Variants in OPCML observed in about 807,000 individuals in gnomAD.
OPCML encodes opioid binding protein/cell adhesion molecule like.
OPCML carries 13 observed loss-of-function variants against 37.8 expected under a neutral mutation model. The ratio of observed to expected loss-of-function variants is 0.34; its 90% confidence interval spans 0.22 to 0.55. The LOEUF is 0.55. Ranked by LOEUF, OPCML falls within the 20% of genes least tolerant of loss-of-function variation. The pLI, the probability that OPCML is intolerant of heterozygous loss-of-function variation, is 0.91. For missense variants in OPCML, 341 were observed against 435.6 expected (o/e 0.78, Z 1.93); for synonymous variants, 176 against 168.8 (o/e 1.04, Z -0.33).
chr11:133,186,614 C>T (rs1450488062), intron 1 of OPCML, among the ~76,000 whole-genome samples: 1 of 152,158 alleles, frequency 6.6e-6, no homozygotes, highest in Non-Finnish European at 1.5e-5. Context: ...GGGTTCCTTC[C>T]ATTTTTGTGG....
At chr11:132,576,271 A>G (rs1591574268) in intron 3 of OPCML, among the ~76,000 whole-genome samples, 1 of 149,614 alleles carries the variant, frequency 6.7e-6, no homozygotes, top group South Asian at 2.1e-4. Flanking sequence ...CTTCTTCTTT[A>G]ACACCCATAA....
chr11:132,790,235 G>C (rs1489405343), intron 2 of OPCML, among the ~76,000 whole-genome samples: 4 of 152,202 alleles, frequency 2.6e-5, no homozygotes, highest in African/African-American at 9.7e-5. Flanking sequence ...GTTATAGAGA[G>C]AGGCTGATTA....
chr11:132,695,790 A>T (rs1943578601), intron 2 of OPCML, among the ~76,000 whole-genome samples: 1 of 152,222 alleles, frequency 6.6e-6, no homozygotes, highest in African/African-American at 2.4e-5. Flanking sequence ...GTGAGGGAGG[A>T]TCAGCAGACA....
chr11:132,542,113 A>G (rs942990118), intron 3 of OPCML, among the ~76,000 whole-genome samples: 4 of 152,282 alleles, frequency 2.6e-5, no homozygotes, highest in African/African-American at 9.6e-5. Flanking sequence ...TTCCTGGCCC[A>G]GATCAACCAG....
intron 1 of OPCML, among the ~76,000 whole-genome samples, chr11:133,493,936 G>A (rs912797446): frequency 3.3e-5 from 5 of 151,856 alleles, no homozygotes; most frequent in African/African-American, 1.2e-4. Flanking sequence ...CCCACAAAAT[G>A]GGAGAAAATT....
chr11:132,558,640 G>A (rs2096403638), intron 3 of OPCML, among the ~76,000 whole-genome samples: 1 of 150,004 alleles, frequency 6.7e-6, no homozygotes, highest in Non-Finnish European at 1.5e-5. Flanking sequence ...TTTGAGTTTT[G>A]TATTCTCATA....
At chr11:132,740,152 C>G (rs1037675573) in intron 2 of OPCML, among the ~76,000 whole-genome samples, 1 of 152,156 alleles carries the variant, frequency 6.6e-6, no homozygotes, top group Non-Finnish European at 1.5e-5. Context: ...GGAAAAGATG[C>G]TAAGAGTAGA....
At chr11:132,770,408 C>T (rs144086456) in intron 2 of OPCML, among the ~76,000 whole-genome samples, 82 of 151,968 alleles carry the variant, frequency 5.4e-4, no homozygotes, top group African/African-American at 1.9e-3. Context: ...AGGAAAGACA[C>T]GGAGGGAGGG....
chr11:132,954,872 A>C (rs1945944197), intron 1 of OPCML, among the ~76,000 whole-genome samples: 1 of 152,076 alleles, frequency 6.6e-6, no homozygotes, highest in Admixed American at 6.5e-5. Context: ...ATAGAAGGAA[A>C]CTCAGGATCG....
chr11:133,522,179 T>C (rs1195362917), intron 1 of OPCML, among the ~76,000 whole-genome samples: 1 of 152,228 alleles, frequency 6.6e-6, no homozygotes, highest in Non-Finnish European at 1.5e-5. Flanking sequence ...CCATTTAACA[T>C]GAATCATTAA....
At chr11:132,771,226 A>G (rs761240419) in intron 2 of OPCML, among the ~76,000 whole-genome samples, 6 of 152,180 alleles carry the variant, frequency 3.9e-5, no homozygotes, top group Non-Finnish European at 8.8e-5. Flanking sequence ...AGAAGAGAAC[A>G]ACATTTAACC....
At chr11:133,240,347 T>C (rs1254545254) in intron 1 of OPCML, among the ~76,000 whole-genome samples, 3 of 152,162 alleles carry the variant, frequency 2.0e-5, no homozygotes, top group Non-Finnish European at 4.4e-5. Context: ...CCACCAAGGC[T>C]AAGCTTTCCC....
intron 1 of OPCML, among the ~76,000 whole-genome samples, chr11:133,416,879 C>A (rs1945780679): frequency 2.0e-5 from 3 of 152,118 alleles, no homozygotes; most frequent in African/African-American, 7.2e-5. Flanking sequence ...TGGGGCCAGT[C>A]TCTAGGAAGA....
chr11:133,064,189 G>A (rs1469812349), intron 1 of OPCML, among the ~76,000 whole-genome samples: 1 of 152,212 alleles, frequency 6.6e-6, no homozygotes, highest in Non-Finnish European at 1.5e-5. Flanking sequence ...GGGAGGGAAG[G>A]AGAGGAACGC....
At chr11:133,117,073 T>A (rs956854112) in intron 1 of OPCML, among the ~76,000 whole-genome samples, 2 of 152,184 alleles carry the variant, frequency 1.3e-5, no homozygotes, top group African/African-American at 4.8e-5. Flanking sequence ...GATTAACATC[T>A]GCTATTTTTG....
At chr11:133,040,812 GAGA>G (rs1260947235) in intron 1 of OPCML, among the ~76,000 whole-genome samples, 1 of 152,144 alleles carries the variant, frequency 6.6e-6, no homozygotes, top group African/African-American at 2.4e-5. Flanking sequence ...ACCAGGATGG[GAGA>G]AGGAGAAAGG....
Position 133,030,180 on chromosome 11 carries a change from GCAA to G in OPCML, c.62-87173_62-87171del, listed in dbSNP as rs939297473. Among the ~76,000 whole-genome samples the G allele has an allele frequency of 7.2e-5, 11 of 152,310 alleles. No homozygotes were observed. The East Asian group carries it at 2.1e-3, about 29-fold the overall frequency. On this transcript the variant is annotated intron_variant, in intron 1 of 7. Coordinates refer to ENST00000524381, the MANE Select transcript of OPCML (RefSeq NM_001012393.5). ...TGAACTTTCTCATTACAGAAACACT[GCAA>G]AACCAAGTCTCCTAACCAAACTGTC...
Position 132,598,814 on chromosome 11 carries a change from T to C in OPCML, c.379+58273A>G, listed in dbSNP as rs183369734. Among the ~76,000 whole-genome samples, 9 of 152,328 alleles carry C rather than the reference T, an allele frequency of 5.9e-5. No homozygotes were observed. The East Asian group carries it at 1.4e-3, about 23-fold the overall frequency. On this transcript the variant is annotated intron_variant, in intron 3 of 7. Coordinates refer to ENST00000524381, the MANE Select transcript of OPCML (RefSeq NM_001012393.5). Reference sequence around the variant, plus strand: ...ATATTTGTGAGCATCTTCTAGTTTATGTTTTTTTTAAAAAAATTTCTCTGC... The same window carrying C: ...ATATTTGTGAGCATCTTCTAGTTTACGTTTTTTTTAAAAAAATTTCTCTGC...
At chr11:132,628,449 G>A (rs1187179487) in intron 3 of OPCML, among the ~76,000 whole-genome samples, 2 of 152,256 alleles carry the variant, frequency 1.3e-5, no homozygotes, top group African/African-American at 2.4e-5. Context: ...GGCATCTGGG[G>A]TCTTGCTGAC....
Sources: allele counts gnomAD v4.1 joint callset (sites outside exome capture counted in the v4.1 genomes callset), GRCh38; gene constraint gnomAD v4.1.1; transcripts MANE v1.5; gene names NCBI Gene and HGNC (gene_info 2026-07-23, HGNC 2026-07-21).